Variants in UNC5D observed in about 807,000 individuals in gnomAD.
The protein encoded by UNC5D is unc-5 netrin receptor D, also known as netrin receptor UNC5D.
Under a neutral mutation model 105.4 loss-of-function variants are expected in UNC5D, and 39 were observed. The ratio of observed to expected loss-of-function variants is 0.37; its 90% CI spans 0.29 to 0.48. UNC5D has a LOEUF of 0.48. Among genes scored for constraint, UNC5D ranks in the 20% least tolerant of loss-of-function variants. UNC5D has a pLI of 0.98. For synonymous variants in UNC5D, 452 were observed against 450.4 expected (o/e 1.00, Z -0.04); for missense variants, 991 against 1,202.4 (o/e 0.82, Z 2.60).
At chr8:35,461,037 T>C (rs1418312463) in intron 1 of UNC5D, among the ~76,000 whole-genome samples, 1 of 152,248 alleles carries the variant, frequency 6.6e-6, no homozygotes, top group African/African-American at 2.4e-5. Flanking sequence ...GATTTCATTG[T>C]TCTAGGGATT....
At chr8:35,627,916 G>T (rs1445529187) in intron 4 of UNC5D, among the ~76,000 whole-genome samples, 1 of 152,096 alleles carries the variant, frequency 6.6e-6, no homozygotes, top group East Asian at 1.9e-4. Flanking sequence ...GACAGAGCGA[G>T]ACTGTCTCAA....
intron 1 of UNC5D, among the ~76,000 whole-genome samples, chr8:35,266,038 T>G (rs1453571165): frequency 1.3e-5 from 2 of 152,150 alleles, no homozygotes; most frequent in South Asian, 2.1e-4. Context: ...ATATTACATA[T>G]TTCTGACTGT....
At chr8:35,465,131 C>T (rs1250900078) in intron 1 of UNC5D, among the ~76,000 whole-genome samples, 2 of 152,210 alleles carry the variant, frequency 1.3e-5, no homozygotes, top group Non-Finnish European at 2.9e-5. Context: ...TGGCTCATGC[C>T]TGTAATCCTA....
At position 35,791,106 on chromosome 8, in the gene UNC5D, CATCA is replaced by C; in HGVS notation, c.*544_*547del. On this transcript the variant is annotated 3_prime_UTR_variant, in exon 17 of 17. Coordinates refer to ENST00000404895, the MANE Select transcript of UNC5D (RefSeq NM_080872.4). ...GCATTTAGAATTTAGAATCTGAGCA[CATCA>C]CACCAGCACCAGCTCCCTGTCTCTT... 1 of 174,298 alleles carries C rather than the reference CATCA, an allele frequency of 5.7e-6. No individual in the cohort carries two copies. Among genetic ancestry groups the C allele is most frequent in the South Asian group, 1.4e-4 (1 of 7,324 alleles). 10.8% of individuals were successfully genotyped at this position (174,298 alleles called of 1,614,324 possible).
In UNC5D at chr8:35,408,514, T is replaced by C. The variant is rs930699414; in HGVS notation, c.104-140778T>C. Among the ~76,000 whole-genome samples, 13 of 150,948 alleles carry C rather than the reference T, an allele frequency of 8.6e-5. No homozygotes were observed. In the South Asian group the frequency reaches 1.7e-3, roughly 19 times the overall value. On this transcript the variant is annotated intron_variant, in intron 1 of 16. Transcript: ENST00000404895. ...TAAATGAAAATTACATGGTGAGCCA[T>C]ACTTGGACAATTGGCCCCTATGAAA...
chr8:35,684,468 C>A, intron 5 of UNC5D, 114 bp from the exon 6 acceptor site: 1 of 1,306,634 alleles, frequency 7.7e-7, no homozygotes, highest in Non-Finnish European at 1.0e-6. Context: ...GCTGCACAGT[C>A]TCTCGGTCCC....
At chr8:35,517,257 G>A (rs976558039) in intron 1 of UNC5D, among the ~76,000 whole-genome samples, 6 of 152,100 alleles carry the variant, frequency 3.9e-5, no homozygotes, top group Non-Finnish European at 8.8e-5. Flanking sequence ...TACCTAGACT[G>A]TCATTCAATC....
At chr8:35,512,569 A>ATATATATATATATATATATATCTC (rs539399345) in intron 1 of UNC5D, among the ~76,000 whole-genome samples, 1 of 64,840 alleles carries the variant, frequency 1.5e-5, no homozygotes, top group Non-Finnish European at 2.6e-5. Context: ...ATATATATAT[A>ATATATATATATATATATATATCTC]TCTGAATAGA....
intron 1 of UNC5D, among the ~76,000 whole-genome samples, chr8:35,422,736 G>T (rs1474530865): frequency 1.3e-5 from 2 of 152,198 alleles, no homozygotes; most frequent in African/African-American, 4.8e-5. Context: ...CCTACTATGT[G>T]CCAGGTAGTA....
At chr8:35,438,867 G>A (rs1363228324) in intron 1 of UNC5D, among the ~76,000 whole-genome samples, 1 of 152,036 alleles carries the variant, frequency 6.6e-6, no homozygotes, top group Non-Finnish European at 1.5e-5. Context: ...ATTAGGACCT[G>A]AGGTTGTAGT....
At chr8:35,600,103 T>C (rs2130921246) in intron 4 of UNC5D, among the ~76,000 whole-genome samples, 1 of 152,166 alleles carries the variant, frequency 6.6e-6, no homozygotes, top group East Asian at 1.9e-4. Flanking sequence ...GTTTCCAGCT[T>C]CATCCATGTC....
rs201437791 is a variant in UNC5D at position 35,467,587 on chromosome 8, A to AC, written c.104-81705_104-81704insC. Among the ~76,000 whole-genome samples the AC allele has an allele frequency of 4.1e-5, 5 of 122,028 alleles. No homozygotes were observed. The East Asian group carries it at 1.2e-3, about 29-fold the overall frequency. 80.1% of individuals were successfully genotyped at this position (122,028 alleles called of 152,430 possible). A position where few individuals can be genotyped will look rare whatever the true frequency, so the allele number is the denominator to read the frequency against. ...CTATGACAGGCAAAAAAAAAAAAAA[A>AC]AAAAGAAGAAAAAATCAGACTTGTT... On this transcript the variant is annotated intron_variant, in intron 1 of 16. Coordinates refer to ENST00000404895, the MANE Select transcript of UNC5D (RefSeq NM_080872.4).
At chr8:35,309,989 A>C (rs140226391) in intron 1 of UNC5D, among the ~76,000 whole-genome samples, 61 of 152,282 alleles carry the variant, frequency 4.0e-4, no homozygotes, top group African/African-American at 1.4e-3. Context: ...ATTGTTTTTA[A>C]ATGAAATATT....
intron 3 of UNC5D, among the ~76,000 whole-genome samples, chr8:35,572,490 A>T (rs1817809546): frequency 6.6e-6 from 1 of 152,116 alleles, no homozygotes; most frequent in African/African-American, 2.4e-5. Context: ...TTAAAGGGAA[A>T]TAATATGAAC....
chr8:35,610,933 C>T (rs369640217), intron 4 of UNC5D, among the ~76,000 whole-genome samples: 1 of 150,494 alleles, frequency 6.6e-6, no homozygotes, highest in Admixed American at 6.7e-5. Context: ...AATTAATTAG[C>T]CACTCTGACC....
chr8:35,692,212 C>A (rs1826455257), intron 7 of UNC5D, among the ~76,000 whole-genome samples: 1 of 152,184 alleles, frequency 6.6e-6, no homozygotes, highest in South Asian at 2.1e-4. Context: ...TACACAATAG[C>A]AGGTTTAAAT....
rs539851905 is a variant in UNC5D at position 35,372,629 on chromosome 8, G to A, written c.103+136742G>A. Among the ~76,000 whole-genome samples the A allele has an allele frequency of 1.5e-4, 22 of 150,116 alleles. No homozygotes were observed. The East Asian group carries it at 3.7e-3, about 25-fold the overall frequency. On this transcript the variant is annotated intron_variant, in intron 1 of 16. Transcript: ENST00000404895. The stretch of plus-strand genomic sequence containing the variant: ...ATTTTTTTTTCTTTTCAAGAGACAG[G>A]GTCTTGCTCTGTCACCCAGGCTGGA...
At chr8:35,730,482 C>G (rs539943546) in intron 10 of UNC5D, among the ~76,000 whole-genome samples, 2 of 152,246 alleles carry the variant, frequency 1.3e-5, no homozygotes, top group East Asian at 3.9e-4. Flanking sequence ...CTTTCACTTT[C>G]TTGACAAAAT....
rs371255336 is a variant in UNC5D, at chr8:35,787,550, C to T, written c.2658-2809C>T. ...GTTTATAGGAAGATATTGCAACTTTCCCTACAAACATCTCTACATGACAAG... is the reference window on the plus strand; with the variant it reads ...GTTTATAGGAAGATATTGCAACTTTTCCTACAAACATCTCTACATGACAAG... On this transcript the variant is annotated intron_variant, in intron 16 of 16. Coordinates refer to ENST00000404895, the MANE Select transcript of UNC5D (RefSeq NM_080872.4). Among the ~76,000 whole-genome samples, 42 of 152,286 alleles carry T rather than the reference C, an allele frequency of 2.8e-4. 1 individual carries two copies. The highest frequency in any genetic ancestry group is 9.6e-4 in the African/African-American group (40 of 41,560).
Sources: allele counts gnomAD v4.1 joint callset (sites outside exome capture counted in the v4.1 genomes callset), GRCh38; gene constraint gnomAD v4.1.1; transcripts MANE v1.5; gene names NCBI Gene and HGNC (gene_info 2026-07-23, HGNC 2026-07-21).